Variants in LIPG observed in about 807,000 individuals in gnomAD.
The protein encoded by LIPG is endothelial lipase.
In LIPG, 34 loss-of-function variants were observed where a neutral mutation model predicts 51.8. That is an observed-to-expected ratio of 0.66 (90% confidence interval 0.50 to 0.87). The LOEUF is 0.87. LIPG is among the 40% of genes least tolerant of loss of function. The probability of loss-of-function intolerance (pLI) is 0.00; values close to 1 mark genes in which losing one functional copy is unlikely to be tolerated. For missense variants in LIPG, 580 were observed against 652.7 expected (o/e 0.89, Z 1.21); for synonymous variants, 246 against 246.1 (o/e 1.00, Z 0.00).
chr18:49,589,162 G>A (rs998425256), intron 9 of LIPG, among the ~76,000 whole-genome samples: 13 of 152,098 alleles, frequency 8.5e-5, no homozygotes, highest in Admixed American at 3.9e-4. Context: ...AGCTGTGCCC[G>A]TGCTCCGGGG....
chr18:49,561,570 G>T (rs946094224), upstream of LIPG: 3 of 774,170 alleles, frequency 3.9e-6, no homozygotes, highest in Non-Finnish European at 5.3e-6. Flanking sequence ...AGGCGGGAAG[G>T]GAGGGAGAAG....
At chr18:49,589,828 C>G (rs1015361506) in intron 9 of LIPG, 2 of 156,072 alleles carry the variant, frequency 1.3e-5, no homozygotes, top group African/African-American at 4.8e-5. Flanking sequence ...CCTGAGAACT[C>G]TATGATTCAC....
intron 5 of LIPG, among the ~76,000 whole-genome samples, chr18:49,578,024 AC>A (rs1246920255): frequency 3.6e-5 from 2 of 55,682 alleles, no homozygotes; most frequent in South Asian, 6.4e-4. Flanking sequence ...CGGGGGGCTG[AC>A]CCCCCCACCT....
At position 49,565,427 on chromosome 18, in the gene LIPG, C is replaced by T; in HGVS notation, c.208C>T (p.His70Tyr). The T allele has an allele frequency of 6.2e-7, 1 of 1,614,228 alleles. No individual in the cohort carries two copies. The highest frequency in any genetic ancestry group is 2.2e-5 in the East Asian group (1 of 44,886). The change falls in exon 2 of 10, where the codon CAC (histidine) becomes TAC (tyrosine). Residue 70 changes from histidine (H) to tyrosine (Y), a missense_variant. Physicochemically the swap from His to Tyr is moderately conservative, Grantham distance 83. Coordinates refer to ENST00000261292, the MANE Select transcript of LIPG (RefSeq NM_006033.4). Reference protein sequence around the residue: ...EHEGCYLSVGHSQPLEDCSFN... With the variant: ...EHEGCYLSVGYSQPLEDCSFN... Reference sequence around the variant, plus strand: ...TGAAGGATGCTACCTCTCCGTCGGCCACAGCCAGCCCTTAGAAGACTGCAG... The same window carrying T: ...TGAAGGATGCTACCTCTCCGTCGGCTACAGCCAGCCCTTAGAAGACTGCAG...
In LIPG at chr18:49,582,493, C is replaced by G; in HGVS notation, c.1157+11C>G. On this transcript the variant is annotated intron_variant, in intron 7 of 9. Coordinates refer to ENST00000261292, the MANE Select transcript of LIPG (RefSeq NM_006033.4). ...TCTGCCACTGGAAATGTAAGTCATC[C>G]GTTTCCCTTGCTGGGTTCGGGACAG... The G allele has an allele frequency of 6.2e-7, 1 of 1,614,162 alleles. No individual in the cohort carries two copies. The highest frequency in any genetic ancestry group is 8.5e-7 in the Non-Finnish European group (1 of 1,180,024).
chr18:49,575,817 A>ATTTCT (rs5824794), intron 5 of LIPG, among the ~76,000 whole-genome samples: 2 of 149,192 alleles, frequency 1.3e-5, no homozygotes, highest in Non-Finnish European at 3.0e-5. Flanking sequence ...TTATTGATTA[A>ATTTCT]TTTCTTTTCT....
At chr18:49,585,648 A>G (rs1475421482) in intron 8 of LIPG, among the ~76,000 whole-genome samples, 2 of 152,184 alleles carry the variant, frequency 1.3e-5, no homozygotes, top group East Asian at 1.9e-4. Flanking sequence ...CCTTGTGCAC[A>G]TGTGTGTAAG....
intron 8 of LIPG, among the ~76,000 whole-genome samples, chr18:49,584,227 C>G (rs1371997040): frequency 1.3e-5 from 2 of 152,172 alleles, no homozygotes; most frequent in Non-Finnish European, 2.9e-5. Context: ...CTGGTTTTCC[C>G]CAGCATCTGA....
At chr18:49,566,960 T>TA (rs2084612095) in intron 2 of LIPG, among the ~76,000 whole-genome samples, 1 of 152,194 alleles carries the variant, frequency 6.6e-6, no homozygotes, top group African/African-American at 2.4e-5. Flanking sequence ...GGAAGACAAA[T>TA]ACCTGCGTAG....
At chr18:49,586,933 G>A in intron 9 of LIPG, 83 bp downstream of exon 9, 2 of 1,010,842 alleles carry the variant, frequency 2.0e-6, no homozygotes, top group Non-Finnish European at 3.1e-6. Flanking sequence ...GGATCTGGGT[G>A]CCAGGGACAT....
intron 9 of LIPG, among the ~76,000 whole-genome samples, chr18:49,587,319 C>T (rs2084892306): frequency 6.6e-6 from 1 of 151,716 alleles, no homozygotes; most frequent in Admixed American, 6.6e-5. Context: ...GCCTGTAATC[C>T]CAGCACTTTG....
chr18:49,569,332 C>T, intron 3 of LIPG, 105 bp from the exon 4 acceptor site: 2 of 923,438 alleles, frequency 2.2e-6, no homozygotes, highest in Non-Finnish European at 3.5e-6. Context: ...GTGCCCACGG[C>T]CCCTGCATCT....
intron 6 of LIPG, chr18:49,581,872 A>G (rs1160329774): frequency 3.2e-6 from 2 of 624,062 alleles, no homozygotes; most frequent in African/African-American, 1.8e-5. Flanking sequence ...CTATCAGTCC[A>G]TGATCACAAT....
chr18:49,578,644 C>T (rs1285790882), intron 5 of LIPG, among the ~76,000 whole-genome samples: 2 of 151,348 alleles, frequency 1.3e-5, no homozygotes, highest in African/African-American at 4.9e-5. Flanking sequence ...AGGCTGCAAT[C>T]TCGGCACTTT....
At chr18:49,572,684 C>G (rs1275916462) in intron 4 of LIPG, among the ~76,000 whole-genome samples, 1 of 147,498 alleles carries the variant, frequency 6.8e-6, no homozygotes, top group Non-Finnish European at 1.5e-5. Context: ...AGAGCCGAGA[C>G]TGGGCCACTG....
chr18:49,590,464 G>T, intron 9 of LIPG, 37 bp from the exon 10 acceptor site: 2 of 1,590,134 alleles, frequency 1.3e-6, no homozygotes, highest in South Asian at 2.3e-5. Flanking sequence ...GCTGGTGTGT[G>T]AGCTAACAAA....
At chr18:49,561,947 A>T (rs751929104), upstream of LIPG, 18 of 1,349,028 alleles carry the variant, frequency 1.3e-5, no homozygotes, top group Non-Finnish European at 1.7e-5. Context: ...GGCGTCAGCA[A>T]GGTGTGACCA....
At chr18:49,583,057 TGA>T (rs891470365) in intron 7 of LIPG, among the ~76,000 whole-genome samples, 1 of 151,922 alleles carries the variant, frequency 6.6e-6, no homozygotes, top group African/African-American at 2.4e-5. Context: ...CCAAGCCAAA[TGA>T]GAGGGACAGA....
intron 4 of LIPG, among the ~76,000 whole-genome samples, chr18:49,571,811 A>G (rs975693967): frequency 1.7e-4 from 26 of 152,292 alleles, no homozygotes; most frequent in African/African-American, 5.5e-4. Flanking sequence ...CTGAACCCCA[A>G]TCTTGCTTGG....
Sources: gnomAD v4.1 joint callset for allele counts (sites outside exome capture counted in the v4.1 genomes callset) on GRCh38, gnomAD v4.1.1 for gene constraint, MANE v1.5 for transcripts, NCBI Gene and HGNC (gene_info 2026-07-23, HGNC 2026-07-21) for gene names.